The following TRIO variants were observed in gnomAD, a reference collection of about 807,000 sequenced individuals.
TRIO encodes trio Rho guanine nucleotide exchange factor.
In TRIO, 58 loss-of-function variants were observed where a neutral mutation model predicts 351.9. That is an observed-to-expected ratio of 0.16 (90% CI 0.13 to 0.21). The LOEUF is 0.21. Among genes scored for constraint, TRIO ranks in the 10% least tolerant of loss-of-function variants. The pLI is 1.00. For missense variants in TRIO, 3,201 were observed against 4,027.8 expected, an observed-to-expected ratio of 0.79 and a Z score of 5.56; for synonymous variants, 1,758 against 1,595.7, an observed-to-expected ratio of 1.10 and a Z score of -2.42.
At chr5:14,222,793 G>T (rs1215775828) in intron 1 of TRIO, among the ~76,000 whole-genome samples, 1 of 152,188 alleles carries the variant, frequency 6.6e-6, no homozygotes, top group African/African-American at 2.4e-5. Flanking sequence ...TAAGAATCCT[G>T]AAGCCCCAGT....
intron 34 of TRIO, among the ~76,000 whole-genome samples, chr5:14,438,068 A>T (rs1444268421): frequency 6.6e-6 from 1 of 152,204 alleles, no homozygotes; most frequent in East Asian, 1.9e-4. Context: ...GTCAAAAATT[A>T]TCAAAAATAC....
At chr5:14,402,326 C>T (rs530667364) in intron 31 of TRIO, among the ~76,000 whole-genome samples, 2 of 152,302 alleles carry the variant, frequency 1.3e-5, no homozygotes, top group African/African-American at 4.8e-5. Flanking sequence ...CGTAAATGCT[C>T]ATGGTACAGT....
At chr5:14,371,491 G>A (rs1031360789) in intron 18 of TRIO, among the ~76,000 whole-genome samples, 29 of 152,052 alleles carry the variant, frequency 1.9e-4, no homozygotes, top group Non-Finnish European at 4.0e-4. Context: ...TAAAATTCTA[G>A]ATATATCATT....
rs983954314 is a variant in TRIO at position 14,170,073 on chromosome 5, C to T, written c.157+26191C>T. ...TGAAGTCAGGCTGCTTGGCAGGCAC[C>T]GAGGGAATTGACTGATGGAGCTCAT... On this transcript the variant is annotated intron_variant, in intron 1 of 56. Coordinates refer to ENST00000344204, the MANE Select transcript of TRIO (RefSeq NM_007118.4). Among the ~76,000 whole-genome samples the T allele has an allele frequency of 1.5e-4, 23 of 152,206 alleles. 1 individual carries two copies. The highest frequency in any genetic ancestry group is 5.1e-4 in the African/African-American group (21 of 41,516).
At chr5:14,425,477 C>A (rs757169816) in intron 34 of TRIO, among the ~76,000 whole-genome samples, 1 of 152,226 alleles carries the variant, frequency 6.6e-6, no homozygotes, top group Non-Finnish European at 1.5e-5. Context: ...TGGGTTGCTT[C>A]TGCCTTTTGA....
In TRIO at chr5:14,293,250, T is replaced by TA. The variant is rs1737062163; in HGVS notation, c.1176+117dup. ...GGGCCTTCGGAGTGGCTGTTGATTG[T>TA]AGCAGCTGACCTTCACATGGAGGGT... is the stretch of plus-strand genomic sequence containing the variant. On this transcript the variant is annotated intron_variant, in intron 6 of 56. Transcript: ENST00000344204. The TA allele has an allele frequency of 7.7e-6, 11 of 1,426,354 alleles. No homozygotes were observed. In the South Asian group the frequency reaches 1.5e-4, roughly 19 times the overall value. The allele number at this position is 1,426,354 out of a possible 1,614,324, so 88.4% of individuals were successfully genotyped here.
intron 31 of TRIO, among the ~76,000 whole-genome samples, chr5:14,403,393 GTA>G (rs1303354926): frequency 9.0e-6 from 1 of 110,648 alleles, no homozygotes. Flanking sequence ...TTGTGAGGGT[GTA>G]GGTTGTGATG....
intron 1 of TRIO, among the ~76,000 whole-genome samples, chr5:14,223,753 T>G (rs1792802504): frequency 6.6e-6 from 1 of 152,192 alleles, no homozygotes; most frequent in African/African-American, 2.4e-5. Context: ...GGTCATCATC[T>G]CCCTTTGGCA....
At chr5:14,300,468 C>T (rs1737779640) in intron 7 of TRIO, among the ~76,000 whole-genome samples, 1 of 152,212 alleles carries the variant, frequency 6.6e-6, no homozygotes, top group African/African-American at 2.4e-5. Flanking sequence ...ATTGACAGCA[C>T]AGATACACAT....
chr5:14,498,084 T>C lies in TRIO; in HGVS notation c.8048-5T>C. On this transcript the variant is annotated splice_region_variant and splice_polypyrimidine_tract_variant and intron_variant, in intron 51 of 56. Coordinates refer to ENST00000344204, the MANE Select transcript of TRIO (RefSeq NM_007118.4). ...TGGGCCTTTACCGACTCCTTTCCCA[T>C]GCAGTTCCCCCAGAATTCGTCATTC... 1.2e-6 allele frequency: 2 copies of C among 1,614,112 alleles called. No homozygotes were observed. Among genetic ancestry groups the C allele is most frequent in the Non-Finnish European group, 1.7e-6 (2 of 1,180,014 alleles).
chr5:14,336,493 T>C (rs969520101), intron 10 of TRIO, 43 bp from the exon 11 acceptor site: 1 of 1,603,260 alleles, frequency 6.2e-7, no homozygotes. Context: ...GCTGGTCTGC[T>C]TTTCACTTAC....
chr5:14,153,921 A>T (rs1787964218), intron 1 of TRIO, among the ~76,000 whole-genome samples: 1 of 152,226 alleles, frequency 6.6e-6, no homozygotes, highest in Non-Finnish European at 1.5e-5. Flanking sequence ...ATAAAACTTG[A>T]GTGAAAGATT....
chr5:14,400,257 T>G (rs1244767843), intron 30 of TRIO, among the ~76,000 whole-genome samples: 1 of 152,212 alleles, frequency 6.6e-6, no homozygotes, highest in African/African-American at 2.4e-5. Flanking sequence ...GCTCATCTGT[T>G]TTAGCAGCCA....
intron 1 of TRIO, among the ~76,000 whole-genome samples, chr5:14,240,075 T>C (rs1192416493): frequency 6.6e-6 from 1 of 152,238 alleles, no homozygotes; most frequent in Non-Finnish European, 1.5e-5. Flanking sequence ...CTTTCCTTCC[T>C]TTGCAACCTC....
rs374485679 is a variant in TRIO, at chr5:14,373,633, G to T, written c.3217-596G>T. ...TGCTGCATAAACATAAACACATATTGTCAGTTACCATAATAACATCACATA... is the reference window on the plus strand; with the variant it reads ...TGCTGCATAAACATAAACACATATTTTCAGTTACCATAATAACATCACATA... On this transcript the variant is annotated intron_variant, in intron 18 of 56. Coordinates refer to ENST00000344204, the MANE Select transcript of TRIO (RefSeq NM_007118.4). Among the ~76,000 whole-genome samples the T allele has an allele frequency of 5.3e-5, 8 of 152,232 alleles. No individual in the cohort carries two copies. The East Asian group carries it at 9.6e-4, about 18-fold the overall frequency.
In TRIO at chr5:14,419,909, G is replaced by A; in HGVS notation, c.5091G>A (p.Leu1697=). Residue 1697 remains leucine (L), a synonymous_variant, in exon 34 of 57, where the codon CTG becomes CTA. Transcript: ENST00000344204. ...CGCATGACAAGCCTGACTGGTGTCT[G>A]GTGCGGACAACTGACCGCTCCCCAG... ...ERPHDKPDWC[L]VRTTDRSPAA... is the part of the protein sequence containing the mutation. 6.2e-7 allele frequency: 1 copy of A among 1,614,170 alleles called. No individual in the cohort carries two copies. The highest frequency in any genetic ancestry group is 1.7e-4 in the Middle Eastern group (1 of 6,060).
intron 15 of TRIO, among the ~76,000 whole-genome samples, 175 bp downstream of exon 15, chr5:14,364,991 C>T (rs1201354379): frequency 6.6e-6 from 1 of 152,220 alleles, no homozygotes; most frequent in Non-Finnish European, 1.5e-5. Flanking sequence ...CGATTACAGC[C>T]ATCCCTAATG....
chr5:14,393,925 G>C, intron 27 of TRIO, 113 bp from the exon 28 acceptor site: 2 of 569,608 alleles, frequency 3.5e-6, no homozygotes, highest in Non-Finnish European at 6.0e-6. Context: ...TATTATTTCA[G>C]CATGATTAAA....
At chr5:14,370,578 A>G (rs1450277689) in intron 18 of TRIO, among the ~76,000 whole-genome samples, 6 of 152,190 alleles carry the variant, frequency 3.9e-5, no homozygotes, top group Non-Finnish European at 8.8e-5. Flanking sequence ...CCGTCATCTG[A>G]CAGAGTTATT....
Sources: allele counts gnomAD v4.1 joint callset (sites outside exome capture counted in the v4.1 genomes callset), GRCh38; gene constraint gnomAD v4.1.1; transcripts MANE v1.5; gene names NCBI Gene and HGNC (gene_info 2026-07-23, HGNC 2026-07-21).